CSMD1: variants seen among roughly 807,000 people sequenced by gnomAD.
The protein encoded by CSMD1 is CUB and sushi domain-containing protein 1.
CSMD1 carries 213 observed loss-of-function variants against 417.5 expected under a neutral mutation model. The ratio of observed to expected loss-of-function variants is 0.51; its 90% CI spans 0.46 to 0.57. The LOEUF is 0.57. Ranked by LOEUF, CSMD1 falls within the 20% of genes least tolerant of loss-of-function variation. The pLI is 0.00. For missense variants in CSMD1, 6,923 were observed against 4,529.7 expected (o/e 1.53, Z -15.17); for synonymous variants, 2,862 against 1,736.8 (o/e 1.65, Z -16.11).
intron 10 of CSMD1, among the ~76,000 whole-genome samples, chr8:3,508,243 T>G (rs1213091167): frequency 2.0e-5 from 3 of 151,976 alleles, no homozygotes; most frequent in Non-Finnish European, 4.4e-5. Context: ...ACTTAAGTGG[T>G]GTCTGTGACA....
At chr8:4,537,254 G>A (rs1797144637) in intron 2 of CSMD1, among the ~76,000 whole-genome samples, 4 of 152,042 alleles carry the variant, frequency 2.6e-5, no homozygotes, top group Admixed American at 2.0e-4. Context: ...AATACAGTAG[G>A]TATTTTTAGA....
chr8:3,673,986 C>G (rs192569375), intron 7 of CSMD1, among the ~76,000 whole-genome samples: 3 of 152,214 alleles, frequency 2.0e-5, no homozygotes, highest in East Asian at 3.9e-4. Flanking sequence ...GGCATGGTGG[C>G]ACATGCCTGT....
At chr8:4,041,789 T>TA (rs1317347086) in intron 3 of CSMD1, among the ~76,000 whole-genome samples, 2 of 151,766 alleles carry the variant, frequency 1.3e-5, no homozygotes, top group East Asian at 1.9e-4. Context: ...TGGGAAATAT[T>TA]AAAAAACAAA....
chr8:4,412,024 G>C (rs1796678581), intron 3 of CSMD1, among the ~76,000 whole-genome samples: 1 of 145,562 alleles, frequency 6.9e-6, no homozygotes, highest in South Asian at 2.2e-4. Flanking sequence ...GTGTAGCCAG[G>C]GCAAATGATT....
chr8:4,248,678 T>C (rs1802858773), intron 3 of CSMD1, among the ~76,000 whole-genome samples: 1 of 152,154 alleles, frequency 6.6e-6, no homozygotes, highest in South Asian at 2.1e-4. Context: ...CCTCCTGTCC[T>C]GCCCTAGACA....
intron 6 of CSMD1, among the ~76,000 whole-genome samples, chr8:3,726,177 T>A (rs1322645503): frequency 6.6e-6 from 1 of 152,032 alleles, no homozygotes; most frequent in African/African-American, 2.4e-5. Flanking sequence ...TCCACACGAA[T>A]CAGCTCTTGG....
At chr8:3,251,231 A>G (rs1029832128) in intron 26 of CSMD1, among the ~76,000 whole-genome samples, 19 of 152,142 alleles carry the variant, frequency 1.2e-4, no homozygotes, top group Non-Finnish European at 2.6e-4. Flanking sequence ...ATCTTGAATT[A>G]ATTTTTGTAT....
chr8:4,462,341 T>C lies in CSMD1; in HGVS notation c.303-42276A>G, dbSNP rs546424664. Reference sequence around the variant, plus strand: ...CAAAAACTATAAGTGTTTAAAGAAATTGAAGACCTAAATAAATGGAAAAAT... The same window carrying C: ...CAAAAACTATAAGTGTTTAAAGAAACTGAAGACCTAAATAAATGGAAAAAT... On this transcript the variant is annotated intron_variant, in intron 2 of 69. Coordinates refer to ENST00000635120, the MANE Select transcript of CSMD1 (RefSeq NM_033225.6). Among the ~76,000 whole-genome samples, 6 of 152,210 alleles carry C rather than the reference T, an allele frequency of 3.9e-5. No individual in the cohort carries two copies. In the East Asian group the frequency reaches 5.8e-4, roughly 15 times the overall value.
intron 10 of CSMD1, among the ~76,000 whole-genome samples, chr8:3,559,866 G>C (rs886220149): frequency 3.3e-5 from 5 of 152,118 alleles, no homozygotes; most frequent in Admixed American, 6.5e-5. Flanking sequence ...CCCTAGAGTG[G>C]ACACAGTGAG....
At chr8:3,934,579 G>A (rs1235210618) in intron 5 of CSMD1, among the ~76,000 whole-genome samples, 3 of 152,136 alleles carry the variant, frequency 2.0e-5, no homozygotes, top group South Asian at 2.1e-4. Context: ...ATTTGGCCAG[G>A]CGCGGTGGCT....
chr8:4,600,388 C>A (rs1800518546), intron 2 of CSMD1, among the ~76,000 whole-genome samples: 1 of 152,070 alleles, frequency 6.6e-6, no homozygotes, highest in African/African-American at 2.4e-5. Flanking sequence ...GCTATTAAGA[C>A]CAATATGAAA....
At chr8:4,213,422 A>T (rs1800444086) in intron 3 of CSMD1, among the ~76,000 whole-genome samples, 1 of 152,154 alleles carries the variant, frequency 6.6e-6, no homozygotes, top group Admixed American at 6.5e-5. Context: ...GGTAGTGCTT[A>T]TGGTAATAGC....
intron 3 of CSMD1, 70 bp from the exon 4 acceptor site, chr8:4,032,169 A>G (rs944943603): frequency 2.8e-6 from 3 of 1,084,530 alleles, no homozygotes; most frequent in Non-Finnish European, 4.0e-6. Context: ...TATAAGATAA[A>G]ACAGACACCA....
intron 3 of CSMD1, among the ~76,000 whole-genome samples, chr8:4,109,382 T>C (rs1801734693): frequency 6.6e-6 from 1 of 152,184 alleles, no homozygotes; most frequent in Admixed American, 6.5e-5. Context: ...GGGCATATAA[T>C]ATAGTGACCT....
chr8:3,181,349 T>G (rs1821311341), intron 36 of CSMD1, 135 bp from the exon 37 acceptor site: 1 of 657,580 alleles, frequency 1.5e-6, no homozygotes, highest in Non-Finnish European at 2.6e-6. Flanking sequence ...AATCTGAGTG[T>G]TGGTTTTATT....
At chr8:4,616,437 G>C (rs1470352315) in intron 2 of CSMD1, among the ~76,000 whole-genome samples, 1 of 152,134 alleles carries the variant, frequency 6.6e-6, no homozygotes, top group African/African-American at 2.4e-5. Context: ...TGGCTATTTA[G>C]TCTGTAAGAG....
intron 5 of CSMD1, among the ~76,000 whole-genome samples, chr8:3,759,831 C>A (rs1361049811): frequency 1.3e-5 from 2 of 148,980 alleles, no homozygotes; most frequent in Non-Finnish European, 3.0e-5. Flanking sequence ...TTGTTTGAAC[C>A]TGAGAGGCAG....
At chr8:3,201,176 A>G (rs1490789305) in intron 32 of CSMD1, among the ~76,000 whole-genome samples, 5 of 152,214 alleles carry the variant, frequency 3.3e-5, no homozygotes, top group Admixed American at 3.3e-4. Context: ...GTATGCATGT[A>G]TACATGTGAA....
At chr8:3,753,499 T>C (rs2128078) in intron 6 of CSMD1, among the ~76,000 whole-genome samples, 25,127 of 152,200 alleles carry the variant, frequency 0.17, 2,089 homozygotes, top group African/African-American at 0.18. Context: ...TACTGAATCA[T>C]GCATTTATGT....
Sources: allele counts gnomAD v4.1 joint callset (sites outside exome capture counted in the v4.1 genomes callset), GRCh38; gene constraint gnomAD v4.1.1; transcripts MANE v1.5; gene names NCBI Gene and HGNC (gene_info 2026-07-23, HGNC 2026-07-21).